GFM2: variants seen among roughly 807,000 people sequenced by gnomAD.
GFM2 encodes the protein ribosome-releasing factor 2, mitochondrial.
Under a neutral mutation model 95.4 loss-of-function variants are expected in GFM2, and 72 were observed. The ratio of observed to expected loss-of-function variants is 0.76; its 90% CI spans 0.62 to 0.92. The LOEUF (loss-of-function observed/expected upper bound fraction) is 0.92. Among genes scored for constraint, GFM2 ranks in the 40% least tolerant of loss-of-function variants. The pLI, the probability that GFM2 is intolerant of heterozygous loss-of-function variation, is 0.00. For synonymous variants in GFM2, 276 were observed against 317.5 expected, an observed-to-expected ratio of 0.87 and a Z score of 1.39; for missense variants, 825 against 924.1, an observed-to-expected ratio of 0.89 and a Z score of 1.39.
At position 74,721,765 on chromosome 5, in the gene GFM2, G is replaced by A. The variant is rs35080306; in HGVS notation, c.2230C>T (p.Arg744Ter). Residue 744 changes from arginine (R) to a stop codon, truncating the protein, a stop_gained, in exon 21 of 21, where the codon CGA (arginine) becomes TGA (stop). Transcript: ENST00000296805. LOFTEE classifies it high-confidence loss of function. ...AEIMGYSTVL[R>*]TLTSGSATFA... ...GTAGCTGAGCCTGATGTTAGCGTTC[G>A]AAGCACAGTTGAATAACCCTAATCA... 3.1e-6 allele frequency: 5 copies of A among 1,612,566 alleles called. No homozygotes were observed. Among genetic ancestry groups the A allele is most frequent in the Non-Finnish European group, 4.2e-6 (5 of 1,179,376 alleles).
chr5:74,763,046 T>C (rs1744362130), intron 2 of GFM2, among the ~76,000 whole-genome samples: 1 of 152,320 alleles, frequency 6.6e-6, no homozygotes, highest in South Asian at 2.1e-4. Context: ...CACTTAGCTA[T>C]AGATAAAAAG....
At chr5:74,738,694 C>A in intron 12 of GFM2, 52 bp from the exon 13 acceptor site, 1 of 1,532,162 alleles carries the variant, frequency 6.5e-7, no homozygotes, top group Non-Finnish European at 8.8e-7. Context: ...CCCATAACTG[C>A]AGAAACTTAA....
Position 74,736,876 on chromosome 5 carries a change from C to CT in GFM2, c.1429dup (p.Arg477LysfsTer25). On this transcript the variant is annotated frameshift_variant, in exon 15 of 21. Coordinates refer to ENST00000296805, the MANE Select transcript of GFM2 (RefSeq NM_032380.5). LOFTEE classifies it high-confidence loss of function. ...AATCTCCACTCCAGCCAATAAAAGT[C>CT]TCTCTGCTTCATTGTTTTGTCTGTG... 6.2e-7 allele frequency: 1 copy of CT among 1,613,908 alleles called. No homozygotes were observed. The highest frequency in any genetic ancestry group is 8.5e-7 in the Non-Finnish European group (1 of 1,179,844).
intron 11 of GFM2, among the ~76,000 whole-genome samples, chr5:74,740,664 T>C (rs1367746886): frequency 3.3e-5 from 5 of 152,184 alleles, no homozygotes; most frequent in Non-Finnish European, 7.4e-5. Flanking sequence ...CTACTTTAGA[T>C]TGTGAGCTCT....
chr5:74,725,852 T>G, intron 18 of GFM2, 89 bp downstream of exon 18: 3 of 1,460,590 alleles, frequency 2.1e-6, no homozygotes, highest in Non-Finnish European at 1.9e-6. Flanking sequence ...CTAACAAAGT[T>G]AGGAAAAAGA....
intron 5 of GFM2, among the ~76,000 whole-genome samples, chr5:74,752,738 C>T (rs921701472): frequency 6.6e-6 from 1 of 152,122 alleles, no homozygotes; most frequent in Admixed American, 6.5e-5. Flanking sequence ...CTACAACAAC[C>T]TGGATAGTTT....
chr5:74,758,819 G>A (rs750782686), intron 5 of GFM2, 30 bp downstream of exon 5: 27 of 1,322,168 alleles, frequency 2.0e-5, no homozygotes, highest in Non-Finnish European at 2.6e-5. Context: ...TGCTAATGGG[G>A]GGGTGGGAAG....
intron 2 of GFM2, among the ~76,000 whole-genome samples, chr5:74,762,868 C>T (rs1332619223): frequency 6.6e-6 from 1 of 152,162 alleles, no homozygotes; most frequent in Non-Finnish European, 1.5e-5. Flanking sequence ...CAATTTAAAA[C>T]TTATGAATTA....
chr5:74,766,481 T>A (rs894912238), intron 1 of GFM2, among the ~76,000 whole-genome samples: 2 of 152,202 alleles, frequency 1.3e-5, no homozygotes, highest in Non-Finnish European at 2.9e-5. Context: ...AACCTGATAG[T>A]GTATTTAAGT....
At chr5:74,754,156 C>T (rs557407186) in intron 5 of GFM2, among the ~76,000 whole-genome samples, 3 of 152,048 alleles carry the variant, frequency 2.0e-5, no homozygotes, top group Non-Finnish European at 4.4e-5. Flanking sequence ...TTCAGACAAT[C>T]AAATGCTGAG....
intron 6 of GFM2, 31 bp from the exon 7 acceptor site, chr5:74,750,698 C>G: frequency 6.6e-7 from 1 of 1,504,002 alleles, no homozygotes; most frequent in Non-Finnish European, 9.2e-7. Context: ...ATAATGCCTT[C>G]TTTTTAACAA....
chr5:74,748,053 A>G (rs890467509), intron 7 of GFM2, among the ~76,000 whole-genome samples: 1 of 152,246 alleles, frequency 6.6e-6, no homozygotes, highest in Non-Finnish European at 1.5e-5. Flanking sequence ...TTAACACCTC[A>G]GGAGGTACTG....
At chr5:74,754,930 A>T (rs992520845) in intron 5 of GFM2, among the ~76,000 whole-genome samples, 4 of 152,162 alleles carry the variant, frequency 2.6e-5, no homozygotes, top group African/African-American at 9.6e-5. Flanking sequence ...AGCCTGGCCA[A>T]CATAAAAATA....
At chr5:74,746,602 T>C (rs1278065854) in intron 8 of GFM2, among the ~76,000 whole-genome samples, 1 of 152,218 alleles carries the variant, frequency 6.6e-6, no homozygotes, top group East Asian at 1.9e-4. Flanking sequence ...GTCTTTGGCA[T>C]TCTTCACATC....
intron 5 of GFM2, among the ~76,000 whole-genome samples, chr5:74,753,494 G>A (rs997681651): frequency 7.9e-5 from 12 of 152,132 alleles, no homozygotes; most frequent in African/African-American, 2.7e-4. Flanking sequence ...CTACTCAAGA[G>A]GCTGAGGTGG....
chr5:74,734,003 T>G (rs540524539), intron 15 of GFM2, among the ~76,000 whole-genome samples: 4 of 152,206 alleles, frequency 2.6e-5, no homozygotes, highest in Admixed American at 1.3e-4. Flanking sequence ...ATGTTAGAAG[T>G]TCCACAGACA....
chr5:74,733,439 G>A (rs1742676799), intron 15 of GFM2: 1 of 166,498 alleles, frequency 6.0e-6, no homozygotes, highest in Non-Finnish European at 1.3e-5. Flanking sequence ...GAGTGGTCTA[G>A]GAAGGCCTCT....
At position 74,747,733 on chromosome 5, in the gene GFM2, A is replaced by C; in HGVS notation, c.567T>G (p.Pro189=). The C allele has an allele frequency of 6.2e-7, 1 of 1,612,612 alleles. No individual in the cohort carries two copies. The highest frequency in any genetic ancestry group is 8.5e-7 in the Non-Finnish European group (1 of 1,178,964). ...CCATCTTGTTTAAAAAACAGATTCGAGGTATATTGTGTTTATCAGCTTGCC... is the reference window on the plus strand; with the variant it reads ...CCATCTTGTTTAAAAAACAGATTCGCGGTATATTGTGTTTATCAGCTTGCC... The part of the protein sequence containing the change: ...VWRQADKHNI[P]RICFLNKMDK... The change falls in exon 8 of 21, where the codon CCT becomes CCG. Residue 189 remains proline (P), a synonymous_variant. Coordinates refer to ENST00000296805, the MANE Select transcript of GFM2 (RefSeq NM_032380.5).
chr5:74,764,117 A>T (rs1050807314), intron 1 of GFM2, among the ~76,000 whole-genome samples: 7 of 152,248 alleles, frequency 4.6e-5, no homozygotes, highest in Non-Finnish European at 7.3e-5. Context: ...AAAGCTAAGC[A>T]TCCACATATT....
Sources: allele counts gnomAD v4.1 joint callset (sites outside exome capture counted in the v4.1 genomes callset), GRCh38; gene constraint gnomAD v4.1.1; transcripts MANE v1.5; gene names NCBI Gene and HGNC (gene_info 2026-07-23, HGNC 2026-07-21).